Variants in N4BP2 observed in about 807,000 individuals in gnomAD.
N4BP2 encodes NEDD4-binding protein 2.
N4BP2 carries 91 observed loss-of-function variants against 152.8 expected under a neutral mutation model. That is an observed-to-expected ratio of 0.60 (90% confidence interval 0.50 to 0.71). N4BP2 has a LOEUF of 0.71. Among genes scored for constraint, N4BP2 ranks in the 30% least tolerant of loss-of-function variants. N4BP2 has a pLI of 0.00. For synonymous variants in N4BP2, 646 were observed against 705.3 expected, an observed-to-expected ratio of 0.92 and a Z score of 1.33; for missense variants, 1,923 against 2,059.1, an observed-to-expected ratio of 0.93 and a Z score of 1.28.
intron 3 of N4BP2, among the ~76,000 whole-genome samples, chr4:40,098,998 G>A (rs539169797): frequency 4.6e-4 from 70 of 152,194 alleles, no homozygotes; most frequent in African/African-American, 1.6e-3. Context: ...TTATATCTAC[G>A]TTTTTCGTGA....
chr4:40,145,026 C>T (rs78059303), intron 16 of N4BP2, among the ~76,000 whole-genome samples: 9,941 of 152,152 alleles, frequency 0.065, 399 homozygotes, highest in Non-Finnish European at 0.085. Flanking sequence ...TATTTATTAA[C>T]GGGAGGGCAT....
Position 40,102,584 on chromosome 4 carries a change from A to C in N4BP2, c.739A>C (p.Ser247Arg). The C allele has an allele frequency of 6.2e-7, 1 of 1,614,200 alleles. No homozygotes were observed. Among genetic ancestry groups the C allele is most frequent in the Non-Finnish European group, 8.5e-7 (1 of 1,180,034 alleles). Residue 247 changes from serine (S) to arginine (R), a missense_variant, in exon 4 of 18, where the codon AGT becomes CGT. Ser to Arg is a moderately radical substitution (Grantham distance 110). Transcript: ENST00000261435. ...CTACCCGGAAGATTCTCTTCTCAGT[A>C]GTTCTTTAAATGTAGCAAGTGACTC... The part of the protein sequence containing the change: ...SNYPEDSLLS[S>R]SLNVASDSIA...
At chr4:40,129,770 G>A (rs941595207) in intron 12 of N4BP2, among the ~76,000 whole-genome samples, 1 of 151,976 alleles carries the variant, frequency 6.6e-6, no homozygotes, top group Admixed American at 6.6e-5. Context: ...ACTGCACTCA[G>A]CCAGATAATT....
At chr4:40,190,208 G>T in the N4BP2 span, among the ~76,000 whole-genome samples, 7 of 152,122 alleles carry the variant, frequency 4.6e-5, no homozygotes, top group South Asian at 1.4e-3. Flanking sequence ...TGTTCTTGTT[G>T]TTCGCTGCTG....
In N4BP2 at chr4:40,122,319, A is replaced by G; in HGVS notation, c.4198+10A>G. 1 of 1,523,954 alleles carries G rather than the reference A, an allele frequency of 6.6e-7. No homozygotes were observed. The highest frequency in any genetic ancestry group is 8.9e-7 in the Non-Finnish European group (1 of 1,125,580). The allele number at this position is 1,523,954 out of a possible 1,614,324, so 94.4% of individuals were successfully genotyped here. On this transcript the variant is annotated intron_variant, in intron 9 of 17. Transcript: ENST00000261435. ...GTTGGTATTGATTCAGGTAAGGAAA[A>G]AGTAAATGACCATGTGTGTGTCTTT...
rs771324922 is a variant in N4BP2, at chr4:40,121,878, C to G, written c.3767C>G (p.Ala1256Gly). ...CAGTCCTTTCCAGGTATTCTAAAAG[C>G]TACTACTCCTAAAGATATGAGTGAA... ...SKQSFPGILK[A>G]TTPKDMSETE... Residue 1256 changes from alanine (A) to glycine (G), a missense_variant, in exon 9 of 18, where the codon GCT (alanine) becomes GGT (glycine). Physicochemically the swap from Ala to Gly is moderately conservative, Grantham distance 60. Coordinates refer to ENST00000261435, the MANE Select transcript of N4BP2 (RefSeq NM_018177.6). 3.1e-6 allele frequency: 5 copies of G among 1,612,088 alleles called. No individual in the cohort carries two copies. In the Admixed American group the frequency reaches 8.4e-5, roughly 27 times the overall value.
chr4:40,112,690 C>T (rs1187083561), intron 6 of N4BP2, among the ~76,000 whole-genome samples: 1 of 151,274 alleles, frequency 6.6e-6, no homozygotes, highest in African/African-American at 2.4e-5. Context: ...CCTTCTTGCT[C>T]TTTTTTGCTC....
chr4:40,086,934 G>C (rs1263777824), intron 2 of N4BP2, among the ~76,000 whole-genome samples: 1 of 151,698 alleles, frequency 6.6e-6, no homozygotes. Context: ...TTTTTGTAGA[G>C]ATGGGGGTCT....
chr4:40,148,323 C>T (rs1041785305), intron 16 of N4BP2, among the ~76,000 whole-genome samples: 18 of 152,340 alleles, frequency 1.2e-4, no homozygotes, highest in East Asian at 5.8e-4. Context: ...TGGCGGCGCG[C>T]GCCTGCAATC....
chr4:40,129,268 C>G (rs1264481777), intron 12 of N4BP2, among the ~76,000 whole-genome samples: 1 of 151,702 alleles, frequency 6.6e-6, no homozygotes, highest in African/African-American at 2.4e-5. Context: ...GCTGTGTTGC[C>G]CAGGCTGGAG....
At chr4:40,100,011 A>G (rs1377407093) in intron 3 of N4BP2, 1 of 452,180 alleles carries the variant, frequency 2.2e-6, no homozygotes, top group Non-Finnish European at 4.4e-6. Context: ...GCCCCCTCCA[A>G]TCCCTCTTTG....
At chr4:40,113,565 C>T (rs1427832765) in intron 7 of N4BP2, 57 bp downstream of exon 7, 24 of 1,214,954 alleles carry the variant, frequency 2.0e-5, no homozygotes, top group Admixed American at 5.4e-5. Flanking sequence ...AGACAAGGTC[C>T]GTTTAGATTT....
At chr4:40,107,702 A>G (rs1241229960) in intron 5 of N4BP2, among the ~76,000 whole-genome samples, 1 of 152,316 alleles carries the variant, frequency 6.6e-6, no homozygotes, top group South Asian at 2.1e-4. Flanking sequence ...TATAGTATAT[A>G]TAAAATTTTA....
chr4:40,172,620 A>G, the N4BP2 span, among the ~76,000 whole-genome samples: 1 of 152,208 alleles, frequency 6.6e-6, no homozygotes. Flanking sequence ...TGCAGCCCTC[A>G]GAAGGCACTA....
the N4BP2 span, among the ~76,000 whole-genome samples, chr4:40,168,748 G>T: frequency 6.6e-6 from 1 of 151,036 alleles, no homozygotes; most frequent in South Asian, 2.1e-4. Context: ...TTTTGAGATG[G>T]AGTTTTGCTC....
intron 2 of N4BP2, among the ~76,000 whole-genome samples, chr4:40,092,296 G>C (rs1327138381): frequency 6.8e-6 from 1 of 147,000 alleles, no homozygotes; most frequent in South Asian, 2.1e-4. Flanking sequence ...TTTTTTTTTT[G>C]AGTTTTAAAA....
chr4:40,155,943 A>G lies in N4BP2; in HGVS notation c.*1706A>G, dbSNP rs1721567469. ...AGAAATGGTTAGTGACTGGTATTGA[A>G]GTATTATTCACACTTATGTTTGTAA... On this transcript the variant is annotated 3_prime_UTR_variant, in exon 18 of 18. Transcript: ENST00000261435. 6.6e-6 allele frequency: 1 copy of G among 152,202 alleles called. No homozygotes were observed. Among genetic ancestry groups the G allele is most frequent in the Non-Finnish European group, 1.5e-5 (1 of 68,022 alleles). 9.4% of individuals were successfully genotyped at this position (152,202 alleles called of 1,614,324 possible). A position where few individuals can be genotyped will look rare whatever the true frequency, so the allele number is the denominator to read the frequency against.
chr4:40,168,724 TTTTC>T, the N4BP2 span, among the ~76,000 whole-genome samples: 1 of 151,878 alleles, frequency 6.6e-6, no homozygotes, highest in African/African-American at 2.4e-5. Context: ...TATATTTCTT[TTTTC>T]TTCTTTTTTT....
intron 2 of N4BP2, among the ~76,000 whole-genome samples, chr4:40,095,527 A>T (rs143965051): frequency 0.027 from 4,119 of 152,314 alleles, 74 homozygotes; most frequent in Non-Finnish European, 0.037. Flanking sequence ...TTAAATTTAA[A>T]TAGGAACATA....
Sources: gnomAD v4.1 joint callset for allele counts (sites outside exome capture counted in the v4.1 genomes callset) on GRCh38, gnomAD v4.1.1 for gene constraint, MANE v1.5 for transcripts, NCBI Gene and HGNC (gene_info 2026-07-23, HGNC 2026-07-21) for gene names.